The following CSGALNACT2 variants were observed in gnomAD, a reference collection of about 807,000 sequenced individuals.
CSGALNACT2 encodes beta 4 GalNAcT-2.
A neutral mutation model predicts 55.3 loss-of-function variants in CSGALNACT2; 35 were observed. The ratio of observed to expected loss-of-function variants is 0.63; its 90% CI spans 0.48 to 0.84. The LOEUF (loss-of-function observed/expected upper bound fraction) is 0.84, where lower values mean the gene tolerates loss of function less well. CSGALNACT2 is among the 40% of genes least tolerant of loss of function. CSGALNACT2 has a pLI of 0.00. For synonymous variants in CSGALNACT2, 196 were observed against 224.9 expected (o/e 0.87, Z 1.15); for missense variants, 544 against 657.5 (o/e 0.83, Z 1.89).
In CSGALNACT2 at chr10:43,138,560, C is replaced by G. The variant is rs1320627916; in HGVS notation, c.-261C>G. The stretch of plus-strand genomic sequence containing the variant: ...AGGAGGCGGTGGAGCGCAGAGCGGG[C>G]GAGCGCGGTGAGTACCTGGCCCGGC... On this transcript the variant is annotated 5_prime_UTR_variant, in exon 1 of 8. Transcript: ENST00000374466. 2 of 150,624 alleles carry G rather than the reference C, an allele frequency of 1.3e-5. No individual in the cohort carries two copies. Among genetic ancestry groups the G allele is most frequent in the African/African-American group, 2.4e-5 (1 of 41,264 alleles). 9.3% of individuals were successfully genotyped at this position (150,624 alleles called of 1,614,324 possible).
chr10:43,160,438 TA>T (rs1375953148), intron 3 of CSGALNACT2, 55 bp from the exon 4 acceptor site: 1 of 876,750 alleles, frequency 1.1e-6, no homozygotes, highest in Non-Finnish European at 1.9e-6. Flanking sequence ...GTTGCTTTCT[TA>T]ATGAATAGTG....
At position 43,183,316 on chromosome 10, in the gene CSGALNACT2, A is replaced by G. The variant is rs781034222; in HGVS notation, c.1403A>G (p.His468Arg). The G allele has an allele frequency of 1.2e-6, 2 of 1,613,660 alleles. No homozygotes were observed. Among genetic ancestry groups the G allele is most frequent in the African/African-American group, 2.7e-5 (2 of 74,912 alleles). ...EDVHLYRKYL[H>R]GDLIVIRTPV... is the part of the protein sequence containing the mutation. ...GTTCATCTTTATCGAAAATACTTACATGGTGACCTCATTGTGATTCGGACT... is the reference window on the plus strand; with the variant it reads ...GTTCATCTTTATCGAAAATACTTACGTGGTGACCTCATTGTGATTCGGACT... The change falls in exon 8 of 8, where the codon CAT becomes CGT. Residue 468 changes from histidine (H) to arginine (R), a missense_variant. Transcript: ENST00000374466.
At chr10:43,170,647 A>C (rs984187152) in intron 6 of CSGALNACT2, among the ~76,000 whole-genome samples, 1 of 152,248 alleles carries the variant, frequency 6.6e-6, no homozygotes, top group Admixed American at 6.5e-5. Context: ...TCCTTACAGA[A>C]TTCCAAATAA....
At chr10:43,162,767 G>T in intron 4 of CSGALNACT2, 1 of 916,914 alleles carries the variant, frequency 1.1e-6, no homozygotes, top group Non-Finnish European at 1.3e-6. Context: ...CTTCTCTCCA[G>T]CCCTAGCATC....
chr10:43,167,130 C>G, intron 6 of CSGALNACT2, 32 bp downstream of exon 6: 1 of 1,317,624 alleles, frequency 7.6e-7, no homozygotes, highest in South Asian at 1.2e-5. Context: ...TTATGAAAGA[C>G]TCTAAAGATC....
chr10:43,183,123 G>A (rs1564523289), intron 7 of CSGALNACT2, 127 bp from the exon 8 acceptor site: 3 of 726,232 alleles, frequency 4.1e-6, no homozygotes, highest in Non-Finnish European at 7.1e-6. Context: ...CATGCCAGGT[G>A]TCTCGTGCTA....
chr10:43,161,348 T>C (rs1839144199), intron 4 of CSGALNACT2, among the ~76,000 whole-genome samples: 1 of 152,240 alleles, frequency 6.6e-6, no homozygotes, highest in African/African-American at 2.4e-5. Flanking sequence ...TTTGTAAATG[T>C]AAGTATGATG....
In CSGALNACT2 at chr10:43,153,560, A is replaced by AT. The variant is rs999197354; in HGVS notation, c.-253-1335dup. Among the ~76,000 whole-genome samples, 25 of 151,828 alleles carry AT rather than the reference A, an allele frequency of 1.6e-4. No individual in the cohort carries two copies. The Middle Eastern group carries it at 0.01, about 62-fold the overall frequency. Reference sequence around the variant, plus strand: ...AGAAAGCATCCAGGTTTTTCTACTCATTAAAAAAGTGGCTAGGACTGATAA... The same window carrying AT: ...AGAAAGCATCCAGGTTTTTCTACTCATTTAAAAAAGTGGCTAGGACTGATAA... On this transcript the variant is annotated intron_variant, in intron 1 of 7. Coordinates refer to ENST00000374466, the MANE Select transcript of CSGALNACT2 (RefSeq NM_018590.5).
intron 6 of CSGALNACT2, among the ~76,000 whole-genome samples, chr10:43,167,791 C>T (rs372424293): frequency 6.6e-6 from 1 of 151,708 alleles, no homozygotes; most frequent in Non-Finnish European, 1.5e-5. Context: ...AGAATCGAGT[C>T]GAGAATACCA....
intron 3 of CSGALNACT2, among the ~76,000 whole-genome samples, chr10:43,159,941 T>C (rs982154535): frequency 1.3e-5 from 2 of 152,256 alleles, no homozygotes; most frequent in Admixed American, 1.3e-4. Context: ...TGCAGCTGAA[T>C]GTCTGGCAGT....
intron 7 of CSGALNACT2, among the ~76,000 whole-genome samples, chr10:43,177,754 T>C (rs1839509027): frequency 6.6e-6 from 1 of 152,248 alleles, no homozygotes; most frequent in Non-Finnish European, 1.5e-5. Flanking sequence ...TGGGTGGACA[T>C]AGATTTTCAA....
In CSGALNACT2 at chr10:43,160,504, A is replaced by C. The variant is rs775816077; in HGVS notation, c.889A>C (p.Ile297Leu). ...TTTCACTTCTGTTAGGGATGTTTGT[A>C]TTCATCAAGACAAGAAGATTCATCT... Reference protein sequence around the residue: ...QFMQNFRDVCIHQDKKIHLTV... With the variant: ...QFMQNFRDVCLHQDKKIHLTV... Residue 297 changes from isoleucine (I) to leucine (L), a missense_variant, in exon 4 of 8, where the codon ATT (isoleucine) becomes CTT (leucine). By Grantham distance (5) the Ile-to-Leu change is conservative (BLOSUM62 2). Coordinates refer to ENST00000374466, the MANE Select transcript of CSGALNACT2 (RefSeq NM_018590.5). The C allele has an allele frequency of 2.6e-6, 4 of 1,541,924 alleles. No homozygotes were observed. In the African/African-American group the frequency reaches 5.5e-5, roughly 21 times the overall value.
chr10:43,163,269 T>C lies in CSGALNACT2; in HGVS notation c.981-597T>C, dbSNP rs538530426. On this transcript the variant is annotated intron_variant, in intron 4 of 7. Transcript: ENST00000374466. ...CATTCATTCATTCAGCAAATATTTA[T>C]TGAACTCCTACTCTATCAGGGGACA... 4.4e-5 allele frequency: 42 copies of C among 944,368 alleles called. No individual in the cohort carries two copies. In the African/African-American group the frequency reaches 7.3e-4, roughly 16 times the overall value. 58.5% of individuals were successfully genotyped at this position (944,368 alleles called of 1,614,324 possible). A position where few individuals can be genotyped will look rare whatever the true frequency, so the allele number is the denominator to read the frequency against.
intron 7 of CSGALNACT2, among the ~76,000 whole-genome samples, chr10:43,182,013 A>G (rs1475215240): frequency 6.8e-6 from 1 of 146,736 alleles, no homozygotes; most frequent in Non-Finnish European, 1.5e-5. Flanking sequence ...AGACAGGAGT[A>G]AGAAATTATA....
At chr10:43,176,163 T>A in intron 7 of CSGALNACT2, 131 bp downstream of exon 7, 1 of 597,832 alleles carries the variant, frequency 1.7e-6, no homozygotes, top group Non-Finnish European at 2.8e-6. Context: ...AAAGAGAAAC[T>A]GGATATACAA....
intron 7 of CSGALNACT2, 104 bp from the exon 8 acceptor site, chr10:43,183,146 A>G: frequency 4.4e-6 from 4 of 914,944 alleles, no homozygotes; most frequent in Non-Finnish European, 5.2e-6. Context: ...TTTTTGCTGA[A>G]CCATCCCATC....
chr10:43,156,753 A>T (rs554997580), intron 2 of CSGALNACT2, among the ~76,000 whole-genome samples: 78 of 152,356 alleles, frequency 5.1e-4, no homozygotes, highest in Non-Finnish European at 9.1e-4. Flanking sequence ...AGTTTGCTCT[A>T]CTTTGAGAAT....
Position 43,166,172 on chromosome 10 carries a change from T to C in CSGALNACT2, c.1160-832T>C, listed in dbSNP as rs145018181. Among the ~76,000 whole-genome samples the C allele has an allele frequency of 4.2e-3, 633 of 152,362 alleles. 7 individuals are homozygous for C. Among genetic ancestry groups the C allele is most frequent in the African/African-American group, 0.014 (565 of 41,582 alleles). On this transcript the variant is annotated intron_variant, in intron 5 of 7. Coordinates refer to ENST00000374466, the MANE Select transcript of CSGALNACT2 (RefSeq NM_018590.5). ...CAAAATGTGAAAGTTGAAGGAGACG[T>C]ATTTGCTTAGTTTAAAAGAAATATT...
At chr10:43,156,270 GT>G (rs1233356164) in intron 2 of CSGALNACT2, among the ~76,000 whole-genome samples, 1 of 152,114 alleles carries the variant, frequency 6.6e-6, no homozygotes, top group African/African-American at 2.4e-5. Context: ...TGAACAAGGG[GT>G]TATACATAGT....
Sources: allele counts gnomAD v4.1 joint callset (sites outside exome capture counted in the v4.1 genomes callset), GRCh38; gene constraint gnomAD v4.1.1; transcripts MANE v1.5; gene names NCBI Gene and HGNC (gene_info 2026-07-23, HGNC 2026-07-21).